AP1M1: variants seen among roughly 807,000 people sequenced by gnomAD.
The protein encoded by AP1M1 is AP-1 complex subunit mu-1.
AP1M1 carries 18 observed loss-of-function variants against 57.1 expected under a neutral mutation model. That is an observed-to-expected ratio of 0.32 (90% CI 0.22 to 0.47). The LOEUF (loss-of-function observed/expected upper bound fraction) is 0.47. Ranked by LOEUF, AP1M1 falls within the 20% of genes least tolerant of loss-of-function variation. The pLI is 1.00. For missense variants in AP1M1, 362 were observed against 593.5 expected (o/e 0.61, Z 4.05); for synonymous variants, 241 against 237.9 (o/e 1.01, Z -0.12).
intron 9 of AP1M1, among the ~76,000 whole-genome samples, chr19:16,231,090 C>G (rs1303774385): frequency 6.6e-6 from 1 of 151,878 alleles, no homozygotes. Context: ...AGATCAAGAC[C>G]ATCCTGGCTA....
intron 4 of AP1M1, 120 bp downstream of exon 4, chr19:16,208,269 C>A: frequency 1.7e-6 from 2 of 1,146,168 alleles, no homozygotes; most frequent in Non-Finnish European, 2.4e-6. Flanking sequence ...CTGCCTCCCA[C>A]CTCCAGCAGT....
Position 16,207,043 on chromosome 19 carries a change from A to G in AP1M1, c.267+635A>G, listed in dbSNP as rs915516749. On this transcript the variant is annotated intron_variant, in intron 3 of 11. Coordinates refer to ENST00000291439, the MANE Select transcript of AP1M1 (RefSeq NM_032493.4). The surrounding 1 kb of genome is among the most constrained non-coding windows in gnomAD (Gnocchi z 4.2). Reference sequence around the variant, plus strand: ...GGGCTTTAAGCAGGAGACTGACAAGACGTGGTTTGATCTAAAGCAGCCTCT... The same window carrying G: ...GGGCTTTAAGCAGGAGACTGACAAGGCGTGGTTTGATCTAAAGCAGCCTCT... Among the ~76,000 whole-genome samples the G allele has an allele frequency of 6.6e-6, 1 of 152,170 alleles. No individual in the cohort carries two copies. The highest frequency in any genetic ancestry group is 2.4e-5 in the African/African-American group (1 of 41,426).
In AP1M1 at chr19:16,207,321, G is replaced by A. The variant is rs1007314445; in HGVS notation, c.268-698G>A. ...CGAGGGTCACCTGGGAAGGCCCCAC[G>A]TGCAGGCCAAGGGCTGCCTTCACTG... On this transcript the variant is annotated intron_variant, in intron 3 of 11. Transcript: ENST00000291439. The surrounding 1 kb of genome is among the most constrained non-coding windows in gnomAD (Gnocchi z 4.2). Among the ~76,000 whole-genome samples, 1 of 151,992 alleles carries A rather than the reference G, an allele frequency of 6.6e-6. No homozygotes were observed. The highest frequency in any genetic ancestry group is 2.4e-5 in the African/African-American group (1 of 41,370).
At position 16,213,659 on chromosome 19, in the gene AP1M1, G is replaced by A. The variant is rs577912506; in HGVS notation, c.546+4482G>A. On this transcript the variant is annotated intron_variant, in intron 5 of 11. Coordinates refer to ENST00000291439, the MANE Select transcript of AP1M1 (RefSeq NM_032493.4). Reference sequence around the variant, plus strand: ...ACAGGCACGCGCCACCACGCCTGGCGGTTTTCTATTTTTAGTAGAGACGAG... The same window carrying A: ...ACAGGCACGCGCCACCACGCCTGGCAGTTTTCTATTTTTAGTAGAGACGAG... 7.2e-4 allele frequency among the ~76,000 whole-genome samples: 110 copies of A among 152,014 alleles called. 1 individual carries two copies. Among genetic ancestry groups the A allele is most frequent in the Admixed American group, 1.6e-3 (25 of 15,250 alleles).
At chr19:16,220,971 C>T (rs1276962691) in intron 5 of AP1M1, among the ~76,000 whole-genome samples, 3 of 152,212 alleles carry the variant, frequency 2.0e-5, no homozygotes, top group Admixed American at 6.5e-5. Flanking sequence ...CCAGATTTTT[C>T]TTTGCCTTTA....
chr19:16,233,821 C>G (rs1452990228), intron 10 of AP1M1, among the ~76,000 whole-genome samples: 1 of 152,196 alleles, frequency 6.6e-6, no homozygotes, highest in Non-Finnish European at 1.5e-5. Context: ...CTCACTCATT[C>G]TGCCCCAAAC....
chr19:16,226,788 G>A lies in AP1M1; in HGVS notation c.673+241G>A, dbSNP rs1490689269. The A allele has an allele frequency of 1.5e-5, 7 of 468,172 alleles. No homozygotes were observed. In the South Asian group the frequency reaches 2.3e-4, roughly 15 times the overall value. The allele number at this position is 468,172 out of a possible 1,614,324, so 29.0% of individuals were successfully genotyped here. On this transcript the variant is annotated intron_variant, in intron 6 of 11. Coordinates refer to ENST00000291439, the MANE Select transcript of AP1M1 (RefSeq NM_032493.4). ...AGGCCCCCGTCACCCGGCCTCACAC[G>A]CCAGGTCCTGCACCCTGCCCTGCTC...
At chr19:16,234,091 C>T in intron 10 of AP1M1, 108 bp from the exon 11 acceptor site, 10 of 1,089,696 alleles carry the variant, frequency 9.2e-6, no homozygotes, top group South Asian at 3.1e-5. Context: ...CTCATCCTGT[C>T]GTCATGGCCT....
chr19:16,238,457 T>C lies in AP1M1; in HGVS notation c.*4022T>C, dbSNP rs2091633368. ...CAGTGATATGGCTCAGAATACAACT[T>C]AAACAACATTGAGCGGGAAAAATGT... On this transcript the variant is annotated 3_prime_UTR_variant, in exon 12 of 12. Transcript: ENST00000291439. 6.6e-6 allele frequency: 1 copy of C among 151,856 alleles called. No individual in the cohort carries two copies. The allele number at this position is 151,856 out of a possible 1,614,324, so 9.4% of individuals were successfully genotyped here. A position where few individuals can be genotyped will look rare whatever the true frequency, so the allele number is the denominator to read the frequency against.
chr19:16,231,434 TCTCA>T (rs2091597405), intron 9 of AP1M1, among the ~76,000 whole-genome samples: 1 of 151,340 alleles, frequency 6.6e-6, no homozygotes, highest in Non-Finnish European at 1.5e-5. Context: ...TGAGATGAAG[TCTCA>T]CTCTGTTGCC....
rs200864602 is a variant in AP1M1 at position 16,231,311 on chromosome 19, C to A, written c.1048-2182C>A. On this transcript the variant is annotated intron_variant, in intron 9 of 11. Coordinates refer to ENST00000291439, the MANE Select transcript of AP1M1 (RefSeq NM_032493.4). ...TCAAAAAAAAAAAAAAAAAAAAAAA[C>A]ACAGAGAGAGATTAGAAATACAGAT... Among the ~76,000 whole-genome samples, 596 of 128,002 alleles carry A rather than the reference C, an allele frequency of 4.7e-3. 9 individuals carry two copies. The highest frequency in any genetic ancestry group is 0.013 in the African/African-American group (372 of 29,354). The allele number at this position is 128,002 out of a possible 152,430, so 84.0% of individuals were successfully genotyped here. A position where few individuals can be genotyped will look rare whatever the true frequency, so the allele number is the denominator to read the frequency against.
intron 5 of AP1M1, among the ~76,000 whole-genome samples, chr19:16,217,049 A>T (rs980696860): frequency 6.6e-6 from 1 of 152,148 alleles, no homozygotes; most frequent in African/African-American, 2.4e-5. Context: ...GGCAGGGGCC[A>T]CGCTGGCAAC....
chr19:16,210,080 G>A (rs773836710), intron 5 of AP1M1, among the ~76,000 whole-genome samples: 4 of 152,122 alleles, frequency 2.6e-5, no homozygotes, highest in Non-Finnish European at 5.9e-5. Flanking sequence ...ATATGTCACC[G>A]CAGCTGTCTT....
At chr19:16,226,372 T>C (rs1287667169) in intron 5 of AP1M1, 49 bp from the exon 6 acceptor site, 2 of 1,503,660 alleles carry the variant, frequency 1.3e-6, no homozygotes, top group Admixed American at 2.0e-5. Context: ...TAGGAGGCAG[T>C]GGCTGGTGAG....
chr19:16,212,388 A>G lies in AP1M1; in HGVS notation c.546+3211A>G, dbSNP rs371195962. The stretch of plus-strand genomic sequence containing the variant: ...TCTAGATTTTCTAGTTAGTGTGCAT[A>G]GAAGTGTTAATAATAGTCTCTAAGG... On this transcript the variant is annotated intron_variant, in intron 5 of 11. Transcript: ENST00000291439. Among the ~76,000 whole-genome samples, 8 of 152,304 alleles carry G rather than the reference A, an allele frequency of 5.3e-5. No individual in the cohort carries two copies. The East Asian group carries it at 1.5e-3, about 29-fold the overall frequency.
At position 16,233,727 on chromosome 19, in the gene AP1M1, C is replaced by T. The variant is rs1013155029; in HGVS notation, c.1173+109C>T. 5.0e-6 allele frequency: 7 copies of T among 1,391,610 alleles called. No individual in the cohort carries two copies. In the East Asian group the frequency reaches 1.7e-4, roughly 34 times the overall value. 86.2% of individuals were successfully genotyped at this position (1,391,610 alleles called of 1,614,324 possible). A position where few individuals can be genotyped will look rare whatever the true frequency, so the allele number is the denominator to read the frequency against. On this transcript the variant is annotated intron_variant, in intron 10 of 11. Coordinates refer to ENST00000291439, the MANE Select transcript of AP1M1 (RefSeq NM_032493.4). ...GGTGTCAGTCAGCTGCAATCAGGAC[C>T]CTGCTGTGCTGTGGGCCTCTGCCTC... is the stretch of plus-strand genomic sequence containing the variant.
At chr19:16,233,665 G>T (rs369068079) in intron 10 of AP1M1, 47 bp downstream of exon 10, 1 of 1,571,184 alleles carries the variant, frequency 6.4e-7, no homozygotes, top group South Asian at 1.2e-5. Flanking sequence ...GACAGAGGCC[G>T]CAGGTGACAG....
Position 16,234,515 on chromosome 19 carries a change from G to C in AP1M1, c.*80G>C. The C allele has an allele frequency of 6.3e-7, 1 of 1,576,916 alleles. No individual in the cohort carries two copies. On this transcript the variant is annotated 3_prime_UTR_variant, in exon 12 of 12. Transcript: ENST00000291439. ...GACACACCTGCCAAACCCACCAGAT[G>C]GAGGGGCCCTCCCTGGTCTCTGGCC...
intron 9 of AP1M1, among the ~76,000 whole-genome samples, chr19:16,230,015 T>C (rs1484066120): frequency 6.6e-6 from 1 of 152,112 alleles, no homozygotes; most frequent in East Asian, 1.9e-4. Context: ...CTGTTGAAAA[T>C]AGTGTTTATC....
Sources: allele counts gnomAD v4.1 joint callset (sites outside exome capture counted in the v4.1 genomes callset), GRCh38; gene constraint gnomAD v4.1.1; non-coding constraint Gnocchi (gnomAD v3.1); transcripts MANE v1.5; gene names NCBI Gene and HGNC (gene_info 2026-07-23, HGNC 2026-07-21).